Variants in BMP5 observed in about 807,000 individuals in gnomAD.
The protein encoded by BMP5 is bone morphogenetic protein 5.
BMP5 carries 23 observed loss-of-function variants against 46.6 expected under a neutral mutation model. The ratio of observed to expected loss-of-function variants is 0.49; its 90% CI spans 0.35 to 0.70. The LOEUF (loss-of-function observed/expected upper bound fraction) is 0.70, where lower values mean the gene tolerates loss of function less well. Among genes scored for constraint, BMP5 ranks in the 30% least tolerant of loss-of-function variants. The pLI is 0.00. For synonymous variants in BMP5, 204 were observed against 191.9 expected (o/e 1.06, Z -0.52); for missense variants, 545 against 565.6 (o/e 0.96, Z 0.37).
chr6:55,822,180 G>A (rs953576258), intron 1 of BMP5, among the ~76,000 whole-genome samples: 2 of 152,142 alleles, frequency 1.3e-5, no homozygotes, highest in African/African-American at 4.8e-5. Context: ...GTTGTTAAAT[G>A]TCAGGATATG....
chr6:55,840,627 A>G (rs1776925094), intron 1 of BMP5, among the ~76,000 whole-genome samples: 1 of 152,104 alleles, frequency 6.6e-6, no homozygotes, highest in Non-Finnish European at 1.5e-5. Flanking sequence ...ATACATCTTT[A>G]TCTACTTTAG....
At chr6:55,849,915 C>G (rs1304273630) in intron 1 of BMP5, among the ~76,000 whole-genome samples, 1 of 152,018 alleles carries the variant, frequency 6.6e-6, no homozygotes, top group Non-Finnish European at 1.5e-5. Flanking sequence ...CTAATAAAAC[C>G]TAAACTTACA....
chr6:55,826,919 G>T (rs540687635), intron 1 of BMP5, among the ~76,000 whole-genome samples: 1 of 151,664 alleles, frequency 6.6e-6, no homozygotes, highest in Non-Finnish European at 1.5e-5. Context: ...TTCTTTGCAT[G>T]AAAGTTTCAA....
chr6:55,808,566 C>A (rs1303861950), intron 2 of BMP5, among the ~76,000 whole-genome samples: 4 of 152,228 alleles, frequency 2.6e-5, no homozygotes, highest in African/African-American at 9.6e-5. Flanking sequence ...AGAACCTGCA[C>A]AGGTCCATGG....
intron 2 of BMP5, among the ~76,000 whole-genome samples, chr6:55,815,641 A>T (rs1776243402): frequency 6.6e-6 from 1 of 152,160 alleles, no homozygotes; most frequent in East Asian, 1.9e-4. Flanking sequence ...TAAGAGTAAT[A>T]TTTTTTAAAT....
intron 1 of BMP5, among the ~76,000 whole-genome samples, chr6:55,839,265 A>G (rs1023929989): frequency 1.3e-5 from 2 of 151,494 alleles, no homozygotes; most frequent in Non-Finnish European, 2.9e-5. Flanking sequence ...TTATTTATTT[A>G]GGGGTTTTAT....
intron 2 of BMP5, among the ~76,000 whole-genome samples, chr6:55,797,742 G>A (rs1030631677): frequency 2.7e-5 from 4 of 149,780 alleles, no homozygotes; most frequent in African/African-American, 4.9e-5. Flanking sequence ...TCAGCCTCCC[G>A]AGTAGCTGGG....
intron 1 of BMP5, among the ~76,000 whole-genome samples, chr6:55,861,389 C>T (rs1192574489): frequency 1.3e-5 from 2 of 152,226 alleles, no homozygotes; most frequent in Non-Finnish European, 2.9e-5. Flanking sequence ...ATCTCCAACC[C>T]TTCTTTTAAG....
intron 2 of BMP5, among the ~76,000 whole-genome samples, chr6:55,801,318 C>G (rs1406931495): frequency 6.6e-6 from 1 of 152,168 alleles, no homozygotes; most frequent in Non-Finnish European, 1.5e-5. Context: ...GTTGAGCATG[C>G]AGCTCCTTCA....
intron 1 of BMP5, among the ~76,000 whole-genome samples, chr6:55,862,053 C>T (rs1451565504): frequency 6.6e-6 from 1 of 152,204 alleles, no homozygotes; most frequent in African/African-American, 2.4e-5. Flanking sequence ...ATAAGCACTA[C>T]GCTAGCTGTA....
At chr6:55,861,680 T>C (rs1054604938) in intron 1 of BMP5, among the ~76,000 whole-genome samples, 3 of 152,156 alleles carry the variant, frequency 2.0e-5, no homozygotes, top group Admixed American at 1.3e-4. Flanking sequence ...CTCCAGGGAG[T>C]AGACTCTTGG....
chr6:55,851,946 G>A (rs1050095442), intron 1 of BMP5, among the ~76,000 whole-genome samples: 1 of 152,120 alleles, frequency 6.6e-6, no homozygotes, highest in Admixed American at 6.6e-5. Context: ...CAAGAAAGTT[G>A]AAGATCCTTC....
chr6:55,854,350 A>G (rs1777333039), intron 1 of BMP5, among the ~76,000 whole-genome samples: 1 of 152,142 alleles, frequency 6.6e-6, no homozygotes, highest in Non-Finnish European at 1.5e-5. Context: ...TATTTCTTAT[A>G]TAATTGACCA....
chr6:55,819,619 T>G (rs1298272000), intron 2 of BMP5, 36 bp downstream of exon 2: 2 of 1,530,860 alleles, frequency 1.3e-6, no homozygotes, highest in South Asian at 1.1e-5. Context: ...TTTACATATA[T>G]TTGCCAGGAT....
rs1582117511 is a variant in BMP5, at chr6:55,849,868, A to T, written c.490+24508T>A. Among the ~76,000 whole-genome samples, 6 of 152,194 alleles carry T rather than the reference A, an allele frequency of 3.9e-5. 1 individual carries two copies. The highest frequency in any genetic ancestry group is 3.9e-4 in the Admixed American group (6 of 15,260). ...GATTTCTCTGATCAACATGTAGATG[A>T]GGACTATTTCTATCCTACCCTTGAT... On this transcript the variant is annotated intron_variant, in intron 1 of 6. Coordinates refer to ENST00000370830, the MANE Select transcript of BMP5 (RefSeq NM_021073.4).
At chr6:55,812,049 G>C (rs1458847624) in intron 2 of BMP5, among the ~76,000 whole-genome samples, 2 of 152,076 alleles carry the variant, frequency 1.3e-5, no homozygotes, top group Admixed American at 6.5e-5. Context: ...AGCACTCCAA[G>C]CTCAGCTGAA....
At chr6:55,818,943 T>TAGACAGAC (rs559321111) in intron 2 of BMP5, among the ~76,000 whole-genome samples, 4 of 150,784 alleles carry the variant, frequency 2.7e-5, no homozygotes, top group African/African-American at 9.9e-5. Context: ...GATAGATAGA[T>TAGACAGAC]AGACAGACAG....
At chr6:55,764,455 C>T (rs893767824) in intron 4 of BMP5, among the ~76,000 whole-genome samples, 3 of 151,916 alleles carry the variant, frequency 2.0e-5, no homozygotes, top group Admixed American at 6.6e-5. Flanking sequence ...CGCCTGTAGT[C>T]CCAGCTACTC....
intron 1 of BMP5, among the ~76,000 whole-genome samples, chr6:55,825,506 T>C (rs1776508321): frequency 6.6e-6 from 1 of 151,838 alleles, no homozygotes; most frequent in Non-Finnish European, 1.5e-5. Flanking sequence ...GTGCTCTGAA[T>C]TGTCAAAGTT....
Sources: allele counts gnomAD v4.1 joint callset (sites outside exome capture counted in the v4.1 genomes callset), GRCh38; gene constraint gnomAD v4.1.1; transcripts MANE v1.5; gene names NCBI Gene and HGNC (gene_info 2026-07-23, HGNC 2026-07-21).